Variants in FRMD3 observed in about 807,000 individuals in gnomAD.
FRMD3 encodes FERM domain-containing protein 3.
A neutral mutation model predicts 70.2 loss-of-function variants in FRMD3; 33 were observed. The ratio of observed to expected loss-of-function variants is 0.47; its 90% CI spans 0.36 to 0.63. The LOEUF is 0.63. Among genes scored for constraint, FRMD3 ranks in the 20% least tolerant of loss-of-function variants. The pLI is 0.00. For synonymous variants in FRMD3, 279 were observed against 255.9 expected (o/e 1.09, Z -0.86); for missense variants, 632 against 711.4 (o/e 0.89, Z 1.27).
At chr9:83,341,721 G>A (rs1293019287) in intron 5 of FRMD3, among the ~76,000 whole-genome samples, 1 of 152,094 alleles carries the variant, frequency 6.6e-6, no homozygotes, top group East Asian at 1.9e-4. Flanking sequence ...ATACCCAAGG[G>A]TTTTAACACC....
In FRMD3 at chr9:83,278,125, TAAAG is replaced by T. The variant is rs568986527; in HGVS notation, c.1195+12474_1195+12477del. Among the ~76,000 whole-genome samples, 26 of 152,188 alleles carry T rather than the reference TAAAG, an allele frequency of 1.7e-4. No individual in the cohort carries two copies. In the East Asian group the frequency reaches 4.8e-3, roughly 28 times the overall value. On this transcript the variant is annotated intron_variant, in intron 13 of 13. Coordinates refer to ENST00000304195, the MANE Select transcript of FRMD3 (RefSeq NM_174938.6). ...AGGAGCTGAAATTTGAGCTAAAACT[TAAAG>T]AAAAGAAACAGCCATACAAAGACCA...
rs552990329 is a variant in FRMD3 at position 83,427,508 on chromosome 9, T to C, written c.148-37800A>G. On this transcript the variant is annotated intron_variant, in intron 1 of 13. Transcript: ENST00000304195. ...ATTTAATGGTAGACTTGTTCCTCTC[T>C]CCATATTTGATTCATTCAATACTCA... 2.0e-5 allele frequency among the ~76,000 whole-genome samples: 3 copies of C among 152,270 alleles called. No individual in the cohort carries two copies. In the East Asian group the frequency reaches 5.8e-4, roughly 29 times the overall value.
intron 1 of FRMD3, among the ~76,000 whole-genome samples, chr9:83,400,110 A>G (rs1244029197): frequency 6.6e-6 from 1 of 152,204 alleles, no homozygotes; most frequent in Non-Finnish European, 1.5e-5. Flanking sequence ...TGCAGATGAC[A>G]TCAGATGTTC....
the FRMD3 span, among the ~76,000 whole-genome samples, chr9:83,550,687 A>AGTGTGTGTGTGTGTGTGTGTGTGT: frequency 2.9e-5 from 4 of 138,960 alleles, no homozygotes; most frequent in East Asian, 2.2e-4. Context: ...AGTCCTAGGT[A>AGTGTGTGTGTGTGTGTGTGTGTGT]GTGTGTGTGT....
At chr9:83,282,494 A>G (rs1455067031) in intron 13 of FRMD3, among the ~76,000 whole-genome samples, 1 of 151,526 alleles carries the variant, frequency 6.6e-6, no homozygotes, top group Non-Finnish European at 1.5e-5. Flanking sequence ...TCCTGTCCCC[A>G]AGTTCCCATT....
intron 1 of FRMD3, among the ~76,000 whole-genome samples, chr9:83,516,223 C>T (rs1829452137): frequency 6.6e-6 from 1 of 151,616 alleles, no homozygotes; most frequent in African/African-American, 2.4e-5. Context: ...TCAGGAGACC[C>T]ATCTCACATG....
chr9:83,370,347 A>G (rs888748502), intron 3 of FRMD3, among the ~76,000 whole-genome samples: 3 of 152,212 alleles, frequency 2.0e-5, no homozygotes, highest in Admixed American at 1.3e-4. Flanking sequence ...GAAATTCTTC[A>G]TACTGAAAGA....
At chr9:83,492,146 A>C (rs1298869244) in intron 1 of FRMD3, among the ~76,000 whole-genome samples, 1 of 152,062 alleles carries the variant, frequency 6.6e-6, no homozygotes, top group African/African-American at 2.4e-5. Flanking sequence ...AGGTCATTCC[A>C]GGACACTTCA....
the FRMD3 span, among the ~76,000 whole-genome samples, chr9:83,564,373 T>C: frequency 2.6e-5 from 4 of 152,146 alleles, no homozygotes; most frequent in Non-Finnish European, 4.4e-5. Context: ...GTCCCTAATA[T>C]ATGCCAAGCT....
chr9:83,286,981 G>A lies in FRMD3; in HGVS notation c.1195+3622C>T, dbSNP rs115347273. ...GAAGTGTTTTCAACTCAATGTCTCCGAGATAAGAGCAGGACCCGGACGGTA... is the reference window on the plus strand; with the variant it reads ...GAAGTGTTTTCAACTCAATGTCTCCAAGATAAGAGCAGGACCCGGACGGTA... On this transcript the variant is annotated intron_variant, in intron 13 of 13. Coordinates refer to ENST00000304195, the MANE Select transcript of FRMD3 (RefSeq NM_174938.6). Among the ~76,000 whole-genome samples the A allele has an allele frequency of 5.0e-3, 754 of 152,230 alleles. 5 individuals are homozygous for A. The highest frequency in any genetic ancestry group is 0.017 in the African/African-American group (726 of 41,528).
At chr9:83,402,964 C>T (rs1018215170) in intron 1 of FRMD3, among the ~76,000 whole-genome samples, 2 of 132,650 alleles carry the variant, frequency 1.5e-5, no homozygotes, top group South Asian at 4.9e-4. Flanking sequence ...AGTACAATGG[C>T]GCGATCTTGG....
At chr9:83,552,533 T>C in the FRMD3 span, among the ~76,000 whole-genome samples, 1 of 152,182 alleles carries the variant, frequency 6.6e-6, no homozygotes, top group African/African-American at 2.4e-5. Flanking sequence ...TCTTTGTTAC[T>C]TTTCTGCCTC....
At chr9:83,360,265 T>G (rs1824539350) in intron 3 of FRMD3, among the ~76,000 whole-genome samples, 2 of 152,174 alleles carry the variant, frequency 1.3e-5, no homozygotes, top group Admixed American at 1.3e-4. Flanking sequence ...TGTAAATCAA[T>G]ATGTAGAAAT....
At chr9:83,451,403 A>T (rs1361223883) in intron 1 of FRMD3, among the ~76,000 whole-genome samples, 2 of 151,516 alleles carry the variant, frequency 1.3e-5, no homozygotes, top group African/African-American at 4.9e-5. Context: ...ACACACACAC[A>T]CACACACACA....
intron 1 of FRMD3, among the ~76,000 whole-genome samples, chr9:83,430,759 C>T (rs1218460046): frequency 6.6e-6 from 1 of 152,136 alleles, no homozygotes; most frequent in East Asian, 1.9e-4. Flanking sequence ...TACAGATTTC[C>T]CTAAAATCTG....
At chr9:83,516,729 A>T (rs1175876660) in intron 1 of FRMD3, among the ~76,000 whole-genome samples, 2 of 151,986 alleles carry the variant, frequency 1.3e-5, no homozygotes, top group Non-Finnish European at 2.9e-5. Context: ...GAAGCAAAAC[A>T]CTCCTCAGCA....
chr9:83,276,544 A>C (rs1587666098), intron 13 of FRMD3: 2 of 152,296 alleles, frequency 1.3e-5, no homozygotes, highest in East Asian at 3.9e-4. Flanking sequence ...GCTGTCATGT[A>C]ATCAAGAAGC....
At chr9:83,333,905 T>C (rs907726776) in intron 6 of FRMD3, among the ~76,000 whole-genome samples, 1 of 152,166 alleles carries the variant, frequency 6.6e-6, no homozygotes, top group Non-Finnish European at 1.5e-5. Flanking sequence ...GCCCATCTAA[T>C]AGAGTTTGGG....
intron 2 of FRMD3, among the ~76,000 whole-genome samples, chr9:83,373,597 A>G (rs1433665781): frequency 6.6e-6 from 1 of 152,128 alleles, no homozygotes; most frequent in Admixed American, 6.5e-5. Context: ...CATTTGAAGT[A>G]GGCACCACGC....
Sources: gnomAD v4.1 joint callset for allele counts (sites outside exome capture counted in the v4.1 genomes callset) on GRCh38, gnomAD v4.1.1 for gene constraint, MANE v1.5 for transcripts, NCBI Gene and HGNC (gene_info 2026-07-23, HGNC 2026-07-21) for gene names.